TEAD1: variants seen among roughly 807,000 people sequenced by gnomAD.
TEAD1 encodes transcriptional enhancer factor TEF-1.
TEAD1 carries 9 observed loss-of-function variants against 54.9 expected under a neutral mutation model. The observed-to-expected ratio is 0.16, with a 90% confidence interval of 0.10 to 0.29. The LOEUF is 0.29. Among genes scored for constraint, TEAD1 ranks in the 10% least tolerant of loss-of-function variants. The pLI, the probability that TEAD1 is intolerant of heterozygous loss-of-function variation, is 1.00. For synonymous variants in TEAD1, 200 were observed against 187.8 expected (o/e 1.07, Z -0.53); for missense variants, 387 against 535.9 (o/e 0.72, Z 2.74).
intron 3 of TEAD1, among the ~76,000 whole-genome samples, chr11:12,816,703 C>A (rs1232448807): frequency 1.3e-5 from 2 of 152,246 alleles, no homozygotes; most frequent in East Asian, 3.9e-4. Context: ...ATAATTTACA[C>A]CCTGTGGCTA....
chr11:12,860,474 C>T (rs1947477406), intron 3 of TEAD1, among the ~76,000 whole-genome samples: 2 of 152,202 alleles, frequency 1.3e-5, no homozygotes, highest in African/African-American at 4.8e-5. Context: ...GACTCTAGGA[C>T]ATTCTAGGCA....
intron 9 of TEAD1, among the ~76,000 whole-genome samples, chr11:12,899,187 G>A (rs1309509800): frequency 6.6e-6 from 1 of 152,174 alleles, no homozygotes; most frequent in Non-Finnish European, 1.5e-5. Context: ...CTTGCAGAAG[G>A]CGCTAGAATG....
intron 4 of TEAD1, 63 bp downstream of exon 4, chr11:12,862,377 C>T (rs1947523752): frequency 6.7e-7 from 1 of 1,484,474 alleles, no homozygotes; most frequent in South Asian, 1.1e-5. Context: ...ATTTTGGCTG[C>T]AGTGGCTGGC....
chr11:12,721,809 C>T (rs981581617), intron 2 of TEAD1, among the ~76,000 whole-genome samples: 4 of 152,154 alleles, frequency 2.6e-5, no homozygotes, highest in African/African-American at 9.7e-5. Flanking sequence ...CTAAATATAC[C>T]CACTCCTCAA....
At chr11:12,782,552 C>A (rs1945580761) in intron 3 of TEAD1, among the ~76,000 whole-genome samples, 1 of 152,066 alleles carries the variant, frequency 6.6e-6, no homozygotes, top group Non-Finnish European at 1.5e-5. Context: ...AAACTAGTTA[C>A]GGTAATGCTT....
intron 2 of TEAD1, among the ~76,000 whole-genome samples, chr11:12,703,655 GCA>G (rs1353773741): frequency 6.6e-6 from 1 of 152,122 alleles, no homozygotes; most frequent in East Asian, 1.9e-4. Context: ...GCTGTGACTT[GCA>G]CATCTTTATA....
At chr11:12,715,130 T>C (rs1236900527) in intron 2 of TEAD1, among the ~76,000 whole-genome samples, 2 of 152,078 alleles carry the variant, frequency 1.3e-5, no homozygotes, top group African/African-American at 2.4e-5. Context: ...TCGGGGAGTT[T>C]AGTGGTCTTC....
chr11:12,790,166 G>A (rs201120825), intron 3 of TEAD1, among the ~76,000 whole-genome samples: 1 of 152,296 alleles, frequency 6.6e-6, no homozygotes, highest in East Asian at 1.9e-4. Flanking sequence ...TGGAGAGTGG[G>A]GCCGTGCTAC....
chr11:12,912,001 T>G (rs1454957098), intron 10 of TEAD1, among the ~76,000 whole-genome samples: 1 of 152,028 alleles, frequency 6.6e-6, no homozygotes, highest in Non-Finnish European at 1.5e-5. Context: ...TTTCAATCAG[T>G]AAATGGTCCT....
intron 9 of TEAD1, among the ~76,000 whole-genome samples, chr11:12,896,827 T>C (rs1222027561): frequency 6.6e-6 from 1 of 152,206 alleles, no homozygotes; most frequent in Non-Finnish European, 1.5e-5. Flanking sequence ...ATGAGCACTT[T>C]GTTGTTAGCT....
intron 10 of TEAD1, among the ~76,000 whole-genome samples, chr11:12,920,382 AGGTTG>A (rs1425316873): frequency 5.9e-5 from 9 of 152,174 alleles, no homozygotes; most frequent in Admixed American, 2.6e-4. Flanking sequence ...TTCTGTTTTA[AGGTTG>A]ACAGTTTTTA....
At chr11:12,739,335 T>G (rs576621507) in intron 2 of TEAD1, among the ~76,000 whole-genome samples, 66 of 152,214 alleles carry the variant, frequency 4.3e-4, no homozygotes, top group Non-Finnish European at 7.3e-4. Flanking sequence ...GTGTACAGTT[T>G]AGTGGTATTA....
chr11:12,891,262 A>G (rs1180494789), intron 9 of TEAD1, among the ~76,000 whole-genome samples: 1 of 152,178 alleles, frequency 6.6e-6, no homozygotes, highest in Non-Finnish European at 1.5e-5. Flanking sequence ...TCTAATATGA[A>G]TATGTATTCT....
At chr11:12,685,491 G>T (rs1943313642) in intron 2 of TEAD1, among the ~76,000 whole-genome samples, 1 of 152,088 alleles carries the variant, frequency 6.6e-6, no homozygotes, top group Non-Finnish European at 1.5e-5. Flanking sequence ...GCTCACCATG[G>T]TATCCCCAGC....
In TEAD1 at chr11:12,944,529, T is replaced by C. The variant is rs533106298; in HGVS notation, c.*7307T>C. 3 of 152,732 alleles carry C rather than the reference T, an allele frequency of 2.0e-5. No homozygotes were observed. The South Asian group carries it at 6.2e-4, about 32-fold the overall frequency. 9.5% of individuals were successfully genotyped at this position (152,732 alleles called of 1,614,324 possible). A position where few individuals can be genotyped will look rare whatever the true frequency, so the allele number is the denominator to read the frequency against. On this transcript the variant is annotated 3_prime_UTR_variant, in exon 13 of 13. Transcript: ENST00000527636. ...TAGCTTTTGCGGTACATATGTGTGATAACTTTAATACCCATGACAGTTAAG... is the reference window on the plus strand; with the variant it reads ...TAGCTTTTGCGGTACATATGTGTGACAACTTTAATACCCATGACAGTTAAG...
chr11:12,939,740 A>G lies in TEAD1; in HGVS notation c.*2518A>G, dbSNP rs1302574561. ...CTTACAACATTTCTAAGGATTTTTA[A>G]AAGTTTACTTCTTGTCTTGTTCTTC... is the stretch of plus-strand genomic sequence containing the variant. On this transcript the variant is annotated 3_prime_UTR_variant, in exon 13 of 13. Transcript: ENST00000527636. 1 of 152,248 alleles carries G rather than the reference A, an allele frequency of 6.6e-6. No homozygotes were observed. Among genetic ancestry groups the G allele is most frequent in the Non-Finnish European group, 1.5e-5 (1 of 68,066 alleles). The allele number at this position is 152,248 out of a possible 1,614,324, so 9.4% of individuals were successfully genotyped here.
intron 2 of TEAD1, among the ~76,000 whole-genome samples, chr11:12,695,407 G>T (rs1184134865): frequency 6.6e-6 from 1 of 152,190 alleles, no homozygotes; most frequent in African/African-American, 2.4e-5. Context: ...GTTAAGAGAG[G>T]TACAAATCCA....
chr11:12,891,373 C>CT (rs761154711), intron 9 of TEAD1, among the ~76,000 whole-genome samples: 4 of 152,202 alleles, frequency 2.6e-5, no homozygotes, highest in Admixed American at 2.0e-4. Flanking sequence ...GGAAACTATA[C>CT]TGTTGGCCAG....
intron 2 of TEAD1, among the ~76,000 whole-genome samples, chr11:12,716,180 A>T (rs965150885): frequency 6.6e-6 from 1 of 151,990 alleles, no homozygotes; most frequent in Non-Finnish European, 1.5e-5. Flanking sequence ...CACTGGTGGA[A>T]ACTCCGGCCA....
Sources: allele counts gnomAD v4.1 joint callset (sites outside exome capture counted in the v4.1 genomes callset), GRCh38; gene constraint gnomAD v4.1.1; transcripts MANE v1.5; gene names NCBI Gene and HGNC (gene_info 2026-07-23, HGNC 2026-07-21).